The following ELAPOR1 variants were observed in gnomAD, a reference collection of about 807,000 sequenced individuals.
The protein encoded by ELAPOR1 is endosome/lysosome-associated apoptosis and autophagy regulator 1.
In ELAPOR1, 77 loss-of-function variants were observed where a neutral mutation model predicts 119.7. The observed-to-expected ratio is 0.64, with a 90% CI of 0.54 to 0.78. ELAPOR1 has a LOEUF of 0.78. Ranked by LOEUF, ELAPOR1 falls within the 30% of genes least tolerant of loss-of-function variation. ELAPOR1 has a pLI of 0.00. For synonymous variants in ELAPOR1, 481 were observed against 487.2 expected (o/e 0.99, Z 0.17); for missense variants, 1,115 against 1,270.4 (o/e 0.88, Z 1.86).
At chr1:109,173,608 G>A in intron 6 of ELAPOR1, 29 bp downstream of exon 6, 1 of 1,613,238 alleles carries the variant, frequency 6.2e-7, no homozygotes, top group Non-Finnish European at 8.5e-7. Flanking sequence ...CTGACTTCCT[G>A]GGCTGTTGAC....
chr1:109,149,226 G>T (rs1302351220), intron 1 of ELAPOR1, among the ~76,000 whole-genome samples: 1 of 152,144 alleles, frequency 6.6e-6, no homozygotes, highest in African/African-American at 2.4e-5. Context: ...AGAAATGTCA[G>T]CGGGGCTCCT....
intron 2 of ELAPOR1, among the ~76,000 whole-genome samples, chr1:109,162,560 T>G (rs1463296693): frequency 6.6e-6 from 1 of 152,230 alleles, no homozygotes; most frequent in Non-Finnish European, 1.5e-5. Flanking sequence ...CCTCTGTGAC[T>G]CTGCAGTCAC....
At chr1:109,172,937 A>T (rs1173333694) in intron 5 of ELAPOR1, among the ~76,000 whole-genome samples, 1 of 152,070 alleles carries the variant, frequency 6.6e-6, no homozygotes, top group Non-Finnish European at 1.5e-5. Flanking sequence ...TCTACTAAAA[A>T]TACAAAAAAA....
Position 109,203,319 on chromosome 1 carries a change from G to T in ELAPOR1, c.*307G>T, listed in dbSNP as rs1654292775. ...CTCATAATTCTTATAGCTTTGGAAT[G>T]AAAATATTTCTATCTTCTTAAGTAT... On this transcript the variant is annotated 3_prime_UTR_variant, in exon 22 of 22. Coordinates refer to ENST00000369939, the MANE Select transcript of ELAPOR1 (RefSeq NM_020775.5). 1 of 350,042 alleles carries T rather than the reference G, an allele frequency of 2.9e-6. No homozygotes were observed. The highest frequency in any genetic ancestry group is 5.2e-6 in the Non-Finnish European group (1 of 192,470). The allele number at this position is 350,042 out of a possible 1,614,324, so 21.7% of individuals were successfully genotyped here.
chr1:109,191,332 C>T, intron 11 of ELAPOR1, 34 bp from the exon 12 acceptor site: 1 of 1,509,434 alleles, frequency 6.6e-7, no homozygotes. Context: ...ACTGCCTGGC[C>T]TTTAGAACTG....
At chr1:109,144,698 T>C (rs1178666065) in intron 1 of ELAPOR1, among the ~76,000 whole-genome samples, 2 of 152,024 alleles carry the variant, frequency 1.3e-5, no homozygotes, top group Non-Finnish European at 2.9e-5. Flanking sequence ...GCCCAGATCG[T>C]GCCACTACAC....
At chr1:109,188,582 A>G (rs888557375) in intron 9 of ELAPOR1, among the ~76,000 whole-genome samples, 6 of 152,120 alleles carry the variant, frequency 3.9e-5, no homozygotes, top group African/African-American at 1.4e-4. Context: ...CCTTGCTCCA[A>G]CTGCAAATGT....
At chr1:109,195,210 A>G (rs1653707581) in intron 15 of ELAPOR1, among the ~76,000 whole-genome samples, 1 of 148,166 alleles carries the variant, frequency 6.7e-6, no homozygotes, top group Non-Finnish European at 1.5e-5. Context: ...ATGCAGGAGG[A>G]AGGCTAGGCG....
intron 1 of ELAPOR1, among the ~76,000 whole-genome samples, chr1:109,125,981 C>T (rs1648753412): frequency 6.6e-6 from 1 of 152,226 alleles, no homozygotes; most frequent in Non-Finnish European, 1.5e-5. Flanking sequence ...ACTACGCCAG[C>T]CTCCTCTCTT....
intron 1 of ELAPOR1, among the ~76,000 whole-genome samples, chr1:109,124,189 A>G (rs1648629515): frequency 6.6e-6 from 1 of 151,988 alleles, no homozygotes; most frequent in African/African-American, 2.4e-5. Context: ...TGCAGGGGGC[A>G]TTGCTACATG....
chr1:109,190,570 T>G (rs76529863), intron 11 of ELAPOR1, among the ~76,000 whole-genome samples: 2,185 of 152,334 alleles, frequency 0.014, 44 homozygotes, highest in African/African-American at 0.043. Context: ...CCCTGGGATG[T>G]TGCTCAGTTT....
At chr1:109,125,385 TTTTTGTTTTG>T (rs71593469) in intron 1 of ELAPOR1, among the ~76,000 whole-genome samples, 179 of 149,674 alleles carry the variant, frequency 1.2e-3, no homozygotes, top group African/African-American at 3.7e-3. Context: ...CAGTCTGTTT[TTTTTGTTTTG>T]TTTTGTTTTG....
intron 3 of ELAPOR1, among the ~76,000 whole-genome samples, chr1:109,169,716 A>G (rs975467951): frequency 6.6e-6 from 1 of 152,244 alleles, no homozygotes; most frequent in Non-Finnish European, 1.5e-5. Flanking sequence ...TGAGTAAGGT[A>G]AATTTGGTCT....
intron 1 of ELAPOR1, among the ~76,000 whole-genome samples, chr1:109,134,391 T>C (rs1487282774): frequency 6.6e-6 from 1 of 152,132 alleles, no homozygotes; most frequent in Non-Finnish European, 1.5e-5. Flanking sequence ...TGGTGTGGGC[T>C]TCTTGACCTC....
intron 10 of ELAPOR1, 47 bp from the exon 11 acceptor site, chr1:109,189,545 C>T: frequency 1.3e-5 from 20 of 1,541,494 alleles, no homozygotes; most frequent in Non-Finnish European, 1.8e-5. Context: ...GCACATTTGC[C>T]TTGCACCCAA....
intron 1 of ELAPOR1, among the ~76,000 whole-genome samples, chr1:109,152,139 G>GTTGGGA (rs776876672): frequency 2.6e-5 from 4 of 152,218 alleles, no homozygotes; most frequent in Non-Finnish European, 5.9e-5. Flanking sequence ...CTCCCAAAGT[G>GTTGGGA]TTGGGATTAC....
In ELAPOR1 at chr1:109,197,464, C is replaced by A. The variant is rs1026649417; in HGVS notation, c.2122-10C>A. ...TTCTTCCTACTTCTTCCTCCCCACT[C>A]CCCAACCAGGGTAGGAAAATGTCTG... On this transcript the variant is annotated splice_polypyrimidine_tract_variant and intron_variant, in intron 15 of 21. Coordinates refer to ENST00000369939, the MANE Select transcript of ELAPOR1 (RefSeq NM_020775.5). 1 of 1,611,966 alleles carries A rather than the reference C, an allele frequency of 6.2e-7. No individual in the cohort carries two copies. The highest frequency in any genetic ancestry group is 1.3e-5 in the African/African-American group (1 of 74,918).
chr1:109,203,093 G>T lies in ELAPOR1; in HGVS notation c.*81G>T. Reference sequence around the variant, plus strand: ...GCGGCGATTTGGGTGCCAGCATCCTGCAACACCCACTGCTGGAAATCTCTT... The same window carrying T: ...GCGGCGATTTGGGTGCCAGCATCCTTCAACACCCACTGCTGGAAATCTCTT... On this transcript the variant is annotated 3_prime_UTR_variant, in exon 22 of 22. Coordinates refer to ENST00000369939, the MANE Select transcript of ELAPOR1 (RefSeq NM_020775.5). The T allele has an allele frequency of 1.2e-6, 1 of 864,136 alleles. No individual in the cohort carries two copies. The highest frequency in any genetic ancestry group is 1.9e-6 in the Non-Finnish European group (1 of 520,782). The allele number at this position is 864,136 out of a possible 1,614,324, so 53.5% of individuals were successfully genotyped here. A position where few individuals can be genotyped will look rare whatever the true frequency, so the allele number is the denominator to read the frequency against.
intron 1 of ELAPOR1, among the ~76,000 whole-genome samples, chr1:109,123,497 C>T (rs182314484): frequency 6.6e-6 from 1 of 152,292 alleles, no homozygotes; most frequent in East Asian, 1.9e-4. Context: ...AAGAAAACTA[C>T]AGCACCATAG....
Sources: gnomAD v4.1 joint callset for allele counts (sites outside exome capture counted in the v4.1 genomes callset) on GRCh38, gnomAD v4.1.1 for gene constraint, MANE v1.5 for transcripts, NCBI Gene and HGNC (gene_info 2026-07-23, HGNC 2026-07-21) for gene names.